Variants in FGF14 observed in about 807,000 individuals in gnomAD.
FGF14 encodes the protein fibroblast growth factor homologous factor 4.
FGF14 carries 5 observed loss-of-function variants against 25.5 expected under a neutral mutation model. That is an observed-to-expected ratio of 0.20 (90% CI 0.10 to 0.41). The LOEUF (loss-of-function observed/expected upper bound fraction) is 0.41, where lower values mean the gene tolerates loss of function less well. Ranked by LOEUF, FGF14 falls within the 10% of genes least tolerant of loss-of-function variation. The pLI is 1.00. For missense variants in FGF14, 222 were observed against 320.1 expected, an observed-to-expected ratio of 0.69 and a Z score of 2.34; for synonymous variants, 138 against 118.3, an observed-to-expected ratio of 1.17 and a Z score of -1.08.
At chr13:102,063,655 T>C (rs2042781047) in intron 1 of FGF14, among the ~76,000 whole-genome samples, 1 of 151,716 alleles carries the variant, frequency 6.6e-6, no homozygotes. Context: ...ATTAACCCAA[T>C]AACATTAAAA....
At chr13:102,147,963 T>C (rs2046921416) in intron 1 of FGF14, among the ~76,000 whole-genome samples, 1 of 152,242 alleles carries the variant, frequency 6.6e-6, no homozygotes, top group African/African-American at 2.4e-5. Context: ...CTCTTCAAAA[T>C]TTGGCAAATG....
chr13:102,375,706 G>C (rs1454698084), intron 1 of FGF14, among the ~76,000 whole-genome samples: 1 of 151,950 alleles, frequency 6.6e-6, no homozygotes, highest in Non-Finnish European at 1.5e-5. Flanking sequence ...TTTCATGCAA[G>C]AAAAAACAAT....
chr13:102,165,805 T>TATA (rs142783245), intron 1 of FGF14, among the ~76,000 whole-genome samples: 6,164 of 148,268 alleles, frequency 0.042, 230 homozygotes, highest in African/African-American at 0.1. Context: ...AAACTTAAAG[T>TATA]ATAATAATAA....
intron 1 of FGF14, among the ~76,000 whole-genome samples, chr13:102,041,969 C>A (rs2041764992): frequency 6.6e-6 from 1 of 152,146 alleles, no homozygotes; most frequent in Non-Finnish European, 1.5e-5. Flanking sequence ...CTGTGACCAG[C>A]CAGCCAAAGT....
At chr13:102,351,058 C>T (rs1432610580) in intron 1 of FGF14, among the ~76,000 whole-genome samples, 7 of 152,070 alleles carry the variant, frequency 4.6e-5, no homozygotes, top group Non-Finnish European at 1.0e-4. Flanking sequence ...CTGCTAAGGG[C>T]CTCCTCTCCT....
intron 1 of FGF14, among the ~76,000 whole-genome samples, chr13:102,291,691 T>A (rs2054407507): frequency 6.6e-6 from 1 of 152,006 alleles, no homozygotes; most frequent in Admixed American, 6.6e-5. Context: ...TTGATTGGAA[T>A]AAAATCAGAC....
At chr13:102,149,686 G>A (rs958297129) in intron 1 of FGF14, among the ~76,000 whole-genome samples, 3 of 152,184 alleles carry the variant, frequency 2.0e-5, no homozygotes, top group Non-Finnish European at 2.9e-5. Flanking sequence ...AAGTTGGGGG[G>A]AGTAATAGGG....
intron 3 of FGF14, among the ~76,000 whole-genome samples, chr13:101,769,837 T>C (rs2038645582): frequency 6.6e-6 from 1 of 152,092 alleles, no homozygotes; most frequent in African/African-American, 2.4e-5. Flanking sequence ...GCACAGAAGA[T>C]TTTTAGGGCA....
chr13:102,249,613 TC>T (rs2141063837), intron 1 of FGF14, among the ~76,000 whole-genome samples: 1 of 152,184 alleles, frequency 6.6e-6, no homozygotes, highest in African/African-American at 2.4e-5. Flanking sequence ...TTTGAGGGTA[TC>T]TTCTGTTATC....
chr13:102,204,074 G>A (rs1402627347), intron 1 of FGF14, among the ~76,000 whole-genome samples: 2 of 152,166 alleles, frequency 1.3e-5, no homozygotes, highest in Non-Finnish European at 2.9e-5. Flanking sequence ...AGTTACCACA[G>A]TGGAAACTGA....
chr13:102,147,936 C>T (rs1041744883), intron 1 of FGF14, among the ~76,000 whole-genome samples: 12 of 152,156 alleles, frequency 7.9e-5, no homozygotes, highest in African/African-American at 2.7e-4. Flanking sequence ...TATGCACACA[C>T]ACATAAGTAA....
chr13:102,316,130 A>T (rs2056008822), intron 1 of FGF14, among the ~76,000 whole-genome samples: 1 of 152,242 alleles, frequency 6.6e-6, no homozygotes, highest in Non-Finnish European at 1.5e-5. Flanking sequence ...AACCCAGCAG[A>T]CTGCAAAATA....
At chr13:102,285,075 C>T (rs2054029218) in intron 1 of FGF14, among the ~76,000 whole-genome samples, 1 of 152,130 alleles carries the variant, frequency 6.6e-6, no homozygotes, top group Non-Finnish European at 1.5e-5. Context: ...CATGACTGAA[C>T]ATATTTATTC....
intron 3 of FGF14, among the ~76,000 whole-genome samples, chr13:101,762,483 C>G (rs2038092732): frequency 6.6e-6 from 1 of 152,166 alleles, no homozygotes; most frequent in African/African-American, 2.4e-5. Context: ...CTCACTCTAT[C>G]TGCTTTGAGC....
chr13:101,974,575 A>T (rs1022874890), intron 1 of FGF14, among the ~76,000 whole-genome samples: 2 of 152,188 alleles, frequency 1.3e-5, no homozygotes, highest in African/African-American at 2.4e-5. Flanking sequence ...TCTGAAACAG[A>T]GCTACCACAT....
At chr13:101,808,865 T>C (rs1457869885) in intron 3 of FGF14, among the ~76,000 whole-genome samples, 1 of 152,142 alleles carries the variant, frequency 6.6e-6, no homozygotes, top group Non-Finnish European at 1.5e-5. Flanking sequence ...AAAACAATCA[T>C]AAAATATAGT....
chr13:102,161,827 A>AT (rs1048815132), intron 1 of FGF14, among the ~76,000 whole-genome samples: 1 of 150,410 alleles, frequency 6.6e-6, no homozygotes. Flanking sequence ...CTAGAAGATA[A>AT]TTAAAAAAAA....
chr13:102,275,262 T>TTCTCTCTCTCTCTCTCTC (rs56028235), intron 1 of FGF14, among the ~76,000 whole-genome samples: 1,618 of 68,832 alleles, frequency 0.024, 68 homozygotes, highest in African/African-American at 0.076. Context: ...CTCTCTCTCT[T>TTCTCTCTCTCTCTCTCTC]TCTCTCTCTC....
At chr13:101,824,034 A>G (rs1343351584) in intron 3 of FGF14, among the ~76,000 whole-genome samples, 1 of 152,028 alleles carries the variant, frequency 6.6e-6, no homozygotes, top group Non-Finnish European at 1.5e-5. Flanking sequence ...CAATTTCCTA[A>G]TAGTATACCT....
Sources: allele counts gnomAD v4.1 joint callset (sites outside exome capture counted in the v4.1 genomes callset), GRCh38; gene constraint gnomAD v4.1.1; transcripts MANE v1.5; gene names NCBI Gene and HGNC (gene_info 2026-07-23, HGNC 2026-07-21).